The following GYG1 variants were observed in gnomAD, a reference collection of about 807,000 sequenced individuals.
GYG1 encodes glycogenin 1.
In GYG1, 44 loss-of-function variants were observed where a neutral mutation model predicts 41.9. That is an observed-to-expected ratio of 1.05 (90% CI 0.83 to 1.35). The LOEUF (loss-of-function observed/expected upper bound fraction) is 1.35, where lower values mean the gene tolerates loss of function less well. GYG1 is among the 40% of genes most tolerant of loss of function. The pLI is 0.00. For missense variants in GYG1, 429 were observed against 418.9 expected (o/e 1.02, Z -0.21); for synonymous variants, 141 against 158.1 (o/e 0.89, Z 0.81).
At chr3:148,996,211 G>T in intron 2 of GYG1, 91 bp from the exon 3 acceptor site, 1 of 892,500 alleles carries the variant, frequency 1.1e-6, no homozygotes, top group South Asian at 1.3e-5. Context: ...AGTAATTGAT[G>T]GAGAAGGTAA....
chr3:149,006,757 G>A (rs145483129), intron 4 of GYG1, among the ~76,000 whole-genome samples: 7 of 152,272 alleles, frequency 4.6e-5, no homozygotes, highest in African/African-American at 1.7e-4. Flanking sequence ...ATGATTATGT[G>A]TAAAAGGAAA....
At chr3:149,009,746 T>C (rs1349764465) in intron 5 of GYG1, among the ~76,000 whole-genome samples, 1 of 152,238 alleles carries the variant, frequency 6.6e-6, no homozygotes, top group Non-Finnish European at 1.5e-5. Context: ...CCTAACTCAA[T>C]GTCTTCCCCA....
intron 5 of GYG1, among the ~76,000 whole-genome samples, chr3:149,021,383 C>T (rs966791335): frequency 2.0e-5 from 3 of 152,100 alleles, no homozygotes; most frequent in Non-Finnish European, 4.4e-5. Context: ...CATATACTTA[C>T]GTGTATAAAA....
Position 149,030,304 on chromosome 3 carries a change from T to A in GYG1, c.*3371T>A, listed in dbSNP as rs1308964349. 6.6e-6 allele frequency: 1 copy of A among 152,078 alleles called. No individual in the cohort carries two copies. Among genetic ancestry groups the A allele is most frequent in the African/African-American group, 2.4e-5 (1 of 41,430 alleles). The allele number at this position is 152,078 out of a possible 1,614,324, so 9.4% of individuals were successfully genotyped here. A position where few individuals can be genotyped will look rare whatever the true frequency, so the allele number is the denominator to read the frequency against. Reference sequence around the variant, plus strand: ...TTCATTCCAGTGGCTTTTTTATATATTTATCCTTCTTAGGAAGGACAAATT... The same window carrying A: ...TTCATTCCAGTGGCTTTTTTATATAATTATCCTTCTTAGGAAGGACAAATT... On this transcript the variant is annotated 3_prime_UTR_variant, in exon 8 of 8. Transcript: ENST00000345003.
chr3:148,999,893 C>G (rs1712998291), intron 4 of GYG1, among the ~76,000 whole-genome samples: 3 of 152,168 alleles, frequency 2.0e-5, no homozygotes, highest in Admixed American at 1.3e-4. Flanking sequence ...ATTTTCAGCT[C>G]AGACCAGTTT....
In GYG1 at chr3:148,991,662, CCCG is replaced by C. The variant is rs1240466704; in HGVS notation, c.7+24_7+26del. Reference sequence around the variant, plus strand: ...CACCATGACAGGTACCGCCGCGCAGCCCGCCGCCGCCAGCCCCGGGACCCCGGC... The same window carrying C: ...CACCATGACAGGTACCGCCGCGCAGCCCGCCGCCAGCCCCGGGACCCCGGC... On this transcript the variant is annotated intron_variant, in intron 1 of 7. Coordinates refer to ENST00000345003, the MANE Select transcript of GYG1 (RefSeq NM_004130.4). The C allele has an allele frequency of 3.3e-6, 5 of 1,523,202 alleles. No individual in the cohort carries two copies. The highest frequency in any genetic ancestry group is 2.5e-5 in the East Asian group (1 of 39,808). 94.4% of individuals were successfully genotyped at this position (1,523,202 alleles called of 1,614,324 possible).
intron 4 of GYG1, among the ~76,000 whole-genome samples, chr3:149,003,637 C>T (rs1346071980): frequency 6.6e-6 from 1 of 152,124 alleles, no homozygotes; most frequent in Non-Finnish European, 1.5e-5. Context: ...CAGACAAATT[C>T]CCTAGGGATT....
intron 5 of GYG1, among the ~76,000 whole-genome samples, chr3:149,017,252 T>G: frequency 6.6e-6 from 1 of 152,240 alleles, no homozygotes; most frequent in East Asian, 1.9e-4. Context: ...CTATGTCTTG[T>G]GATCTGGACG....
At chr3:149,011,273 A>G (rs1713706177) in intron 5 of GYG1, among the ~76,000 whole-genome samples, 1 of 152,204 alleles carries the variant, frequency 6.6e-6, no homozygotes, top group Non-Finnish European at 1.5e-5. Flanking sequence ...ATCCATTTTA[A>G]TCCTTACTTA....
intron 1 of GYG1, chr3:148,992,770 AGT>A (rs1323925329): frequency 6.6e-6 from 1 of 152,318 alleles, no homozygotes; most frequent in African/African-American, 2.4e-5. Flanking sequence ...GCTTTCCTAG[AGT>A]GTGAGTGACT....
chr3:149,015,518 G>A (rs1713972047), intron 5 of GYG1, among the ~76,000 whole-genome samples: 1 of 152,182 alleles, frequency 6.6e-6, no homozygotes, highest in Non-Finnish European at 1.5e-5. Context: ...CAAGGAAAAT[G>A]TTTCAAGGAG....
At chr3:149,012,260 C>G (rs560204697) in intron 5 of GYG1, among the ~76,000 whole-genome samples, 1 of 152,228 alleles carries the variant, frequency 6.6e-6, no homozygotes, top group South Asian at 2.1e-4. Flanking sequence ...AATTTGAAGG[C>G]CCACTCTTGG....
chr3:149,026,918 CACTT>C lies in GYG1; in HGVS notation c.1041_1044del (p.Tyr348SerfsTer22), dbSNP rs970855771. ...TTGACAACATCAAGAGGAAACTTGA[CACTT>C]ACCTCCAGTAGAAACACTGCATTTT... On this transcript the variant is annotated frameshift_variant, in exon 8 of 8. Transcript: ENST00000345003. LOFTEE classifies it high-confidence loss of function. 6.2e-7 allele frequency: 1 copy of C among 1,613,404 alleles called. No individual in the cohort carries two copies. Among genetic ancestry groups the C allele is most frequent in the Non-Finnish European group, 8.5e-7 (1 of 1,179,306 alleles).
At chr3:149,012,465 C>G (rs1190222005) in intron 5 of GYG1, among the ~76,000 whole-genome samples, 1 of 152,152 alleles carries the variant, frequency 6.6e-6, no homozygotes, top group Non-Finnish European at 1.5e-5. Flanking sequence ...GTCCCCAAAG[C>G]AGTATTTAGA....
Position 149,012,243 on chromosome 3 carries a change from C to T in GYG1, c.608+2841C>T, listed in dbSNP as rs1394808544. Among the ~76,000 whole-genome samples the T allele has an allele frequency of 2.0e-5, 3 of 152,108 alleles. No homozygotes were observed. The East Asian group carries it at 5.8e-4, about 29-fold the overall frequency. ...GTCATCATTGCTACTCTCCAAAGAT[C>T]CCTGTGAATTTGAAGGCCCACTCTT... On this transcript the variant is annotated intron_variant, in intron 5 of 7. Coordinates refer to ENST00000345003, the MANE Select transcript of GYG1 (RefSeq NM_004130.4).
At chr3:149,009,514 T>A in intron 5 of GYG1, 112 bp downstream of exon 5, 2 of 1,078,304 alleles carry the variant, frequency 1.9e-6, no homozygotes, top group Non-Finnish European at 2.9e-6. Flanking sequence ...ATAGACACTT[T>A]GAGGAAAGTT....
At chr3:149,021,612 T>C (rs1247103470) in intron 5 of GYG1, among the ~76,000 whole-genome samples, 1 of 152,190 alleles carries the variant, frequency 6.6e-6, no homozygotes, top group African/African-American at 2.4e-5. Flanking sequence ...TTGTGTGACC[T>C]TGGGCATCTC....
At chr3:148,992,987 G>A (rs981067357) in intron 1 of GYG1, among the ~76,000 whole-genome samples, 1 of 152,042 alleles carries the variant, frequency 6.6e-6, no homozygotes, top group Admixed American at 6.5e-5. Context: ...CTTGGAAAAC[G>A]GGCAAGGGAG....
chr3:149,018,621 C>A (rs71304440), intron 5 of GYG1, among the ~76,000 whole-genome samples: 4,042 of 152,260 alleles, frequency 0.027, 69 homozygotes, highest in South Asian at 0.053. Flanking sequence ...CTTCCCACCC[C>A]CAAAGGGCTC....
Sources: allele counts gnomAD v4.1 joint callset (sites outside exome capture counted in the v4.1 genomes callset), GRCh38; gene constraint gnomAD v4.1.1; transcripts MANE v1.5; gene names NCBI Gene and HGNC (gene_info 2026-07-23, HGNC 2026-07-21).